SERINC2: variants seen among roughly 807,000 people sequenced by gnomAD.
The protein encoded by SERINC2 is serine incorporator 2.
Under a neutral mutation model 54.2 loss-of-function variants are expected in SERINC2, and 56 were observed. That is an observed-to-expected ratio of 1.03 (90% CI 0.83 to 1.29). SERINC2 has a LOEUF of 1.29. Among genes scored for constraint, SERINC2 ranks in the 50% most tolerant of loss-of-function variants. The pLI is 0.00. For synonymous variants in SERINC2, 272 were observed against 253.1 expected (o/e 1.07, Z -0.71); for missense variants, 614 against 607.4 (o/e 1.01, Z -0.12).
intron 7 of SERINC2, 102 bp downstream of exon 7, chr1:31,429,170 C>T: frequency 8.8e-7 from 1 of 1,134,504 alleles, no homozygotes; most frequent in South Asian, 1.3e-5. Context: ...GACATCCCTG[C>T]TCCAGCCCAT....
intron 8 of SERINC2, among the ~76,000 whole-genome samples, chr1:31,432,119 T>TTAGGGTGGA (rs1322746806): frequency 1.0e-4 from 1 of 9,726 alleles, no homozygotes. Flanking sequence ...GATAGGGTGG[T>TTAGGGTGGA]TAGGGTGGAT....
At chr1:31,433,607 C>T (rs949693842) in intron 9 of SERINC2, among the ~76,000 whole-genome samples, 5 of 152,098 alleles carry the variant, frequency 3.3e-5, no homozygotes. Context: ...CAAATTTGGT[C>T]ATTTGGTTAA....
intron 1 of SERINC2, among the ~76,000 whole-genome samples, chr1:31,416,342 C>T (rs1245550482): frequency 1.3e-5 from 2 of 152,178 alleles, no homozygotes; most frequent in Non-Finnish European, 2.9e-5. Flanking sequence ...AGCCTGGGCT[C>T]GGAGCCCCTG....
chr1:31,431,255 A>G (rs531619550), intron 8 of SERINC2, among the ~76,000 whole-genome samples: 142 of 151,616 alleles, frequency 9.4e-4, no homozygotes, highest in African/African-American at 3.4e-3. Flanking sequence ...CTCCTGAGTC[A>G]CTGAGACTAC....
At chr1:31,429,600 G>C (rs1553134188) in intron 8 of SERINC2, 62 bp downstream of exon 8, 2 of 1,502,838 alleles carry the variant, frequency 1.3e-6, no homozygotes. Context: ...CAGAGTGAGG[G>C]GAGGGTGTGG....
chr1:31,433,217 G>C (rs376154059), intron 9 of SERINC2, 32 bp downstream of exon 9: 16 of 1,567,650 alleles, frequency 1.0e-5, no homozygotes, highest in Non-Finnish European at 1.4e-5. Context: ...GACAGAGCCC[G>C]GAGGTGCAGG....
chr1:31,414,357 A>T, intron 1 of SERINC2: 1 of 1,240,686 alleles, frequency 8.1e-7, no homozygotes, highest in East Asian at 3.9e-5. Context: ...AGAGGCCCTG[A>T]GAGGGAGAAG....
chr1:31,433,166 A>G lies in SERINC2; in HGVS notation c.1213A>G (p.Thr405Ala), dbSNP rs1322893807. ...GCTGGCCTCACTGCACGTCATGATG[A>G]CGCTCACCAACTGGTACAAGTGCGT... ...LVLASLHVMM[T>A]LTNWYKPGET... The change falls in exon 9 of 10, where the codon ACG becomes GCG. Residue 405 changes from threonine (T) to alanine (A), a missense_variant. Physicochemically the swap from Thr to Ala is moderately conservative, Grantham distance 58. Transcript: ENST00000373709. The G allele has an allele frequency of 1.9e-6, 3 of 1,613,646 alleles. No individual in the cohort carries two copies. Among genetic ancestry groups the G allele is most frequent in the Non-Finnish European group, 2.5e-6 (3 of 1,179,968 alleles).
Position 31,413,410 on chromosome 1 carries a change from A to T in SERINC2, c.39+106A>T. On this transcript the variant is annotated intron_variant, in intron 1 of 9. Transcript: ENST00000373709. The surrounding 1 kb of genome is among the most constrained non-coding windows in gnomAD (Gnocchi z 5.0). Reference sequence around the variant, plus strand: ...GTAGTTTCTTCTTTTTCCTTCCTGCAAACTTGTCTTTCTGGGCCGGTGCCC... The same window carrying T: ...GTAGTTTCTTCTTTTTCCTTCCTGCTAACTTGTCTTTCTGGGCCGGTGCCC... 1 of 605,896 alleles carries T rather than the reference A, an allele frequency of 1.7e-6. No individual in the cohort carries two copies. Among genetic ancestry groups the T allele is most frequent in the Non-Finnish European group, 2.3e-6 (1 of 430,060 alleles). The allele number at this position is 605,896 out of a possible 1,614,324, so 37.5% of individuals were successfully genotyped here.
chr1:31,414,583 A>G (rs1446852823), intron 1 of SERINC2: 29 of 985,384 alleles, frequency 2.9e-5, no homozygotes, highest in Non-Finnish European at 3.3e-5. Context: ...CTCTCGCCTC[A>G]TTAGGCCTCC....
rs1050302966 is a variant in SERINC2, at chr1:31,434,303, C to T, written c.*104C>T. The T allele has an allele frequency of 2.9e-5, 36 of 1,250,896 alleles. No homozygotes were observed. The highest frequency in any genetic ancestry group is 5.1e-4 in the Middle Eastern group (2 of 3,896). The allele number at this position is 1,250,896 out of a possible 1,614,324, so 77.5% of individuals were successfully genotyped here. On this transcript the variant is annotated 3_prime_UTR_variant, in exon 10 of 10. Transcript: ENST00000373709. ...CCCACACCAATCAGCCAGGCTGAGC[C>T]CCCACCCCTGCCCCAGCTCCAGGAC...
At chr1:31,432,075 C>CAGGGTGGAT (rs1641276539) in intron 8 of SERINC2, among the ~76,000 whole-genome samples, 5 of 13,316 alleles carry the variant, frequency 3.8e-4, no homozygotes, top group South Asian at 3.2e-3. Context: ...ACAGGGTGGA[C>CAGGGTGGAT]AGGGTGGTTA....
At chr1:31,415,307 C>T (rs1557487972) in intron 1 of SERINC2, among the ~76,000 whole-genome samples, 1 of 152,178 alleles carries the variant, frequency 6.6e-6, no homozygotes, top group African/African-American at 2.4e-5. Flanking sequence ...AGGGACCCGG[C>T]CCTCCCTTCA....
rs782304223 is a variant in SERINC2 at position 31,432,950 on chromosome 1, T to C, written c.1014-17T>C. On this transcript the variant is annotated splice_polypyrimidine_tract_variant and intron_variant, in intron 8 of 9. Transcript: ENST00000373709. ...GCCAGAGCTATCTATTTGCCCACCT[T>C]CCTCCCTCCCCTGCAGTCTGCGCTC... The C allele has an allele frequency of 5.0e-6, 8 of 1,590,706 alleles. No individual in the cohort carries two copies. The South Asian group carries it at 6.7e-5, about 13-fold the overall frequency.
At chr1:31,425,983 G>A (rs782416764) in intron 5 of SERINC2, 70 bp downstream of exon 5, 4 of 1,516,770 alleles carry the variant, frequency 2.6e-6, no homozygotes, top group Non-Finnish European at 3.6e-6. Context: ...CTGAGAAATC[G>A]AGGGTCCTTG....
chr1:31,432,252 G>A (rs1254629387), intron 8 of SERINC2, among the ~76,000 whole-genome samples: 3 of 151,796 alleles, frequency 2.0e-5, no homozygotes, highest in Non-Finnish European at 4.4e-5. Context: ...CTCACAGCAA[G>A]GGGTGATTTC....
At chr1:31,431,735 T>G (rs2148527204) in intron 8 of SERINC2, among the ~76,000 whole-genome samples, 1 of 102,368 alleles carries the variant, frequency 9.8e-6, no homozygotes, top group African/African-American at 3.0e-5. Flanking sequence ...GAGATATCCA[T>G]ATGGTATTTG....
rs1641417073 is a variant in SERINC2 at position 31,434,470 on chromosome 1, A to G, written c.*271A>G. The G allele has an allele frequency of 4.2e-6, 2 of 473,856 alleles. No homozygotes were observed. The highest frequency in any genetic ancestry group is 7.5e-6 in the Non-Finnish European group (2 of 265,184). The allele number at this position is 473,856 out of a possible 1,614,324, so 29.4% of individuals were successfully genotyped here. A position where few individuals can be genotyped will look rare whatever the true frequency, so the allele number is the denominator to read the frequency against. On this transcript the variant is annotated 3_prime_UTR_variant, in exon 10 of 10. Coordinates refer to ENST00000373709, the MANE Select transcript of SERINC2 (RefSeq NM_178865.5). Reference sequence around the variant, plus strand: ...CTCCTCCCTGTTGCCCATACTCAGCATCTCGGATGAAAGGGCTCCCTTGTC... The same window carrying G: ...CTCCTCCCTGTTGCCCATACTCAGCGTCTCGGATGAAAGGGCTCCCTTGTC...
At position 31,425,783 on chromosome 1, in the gene SERINC2, C is replaced by G; in HGVS notation, c.480C>G (p.Phe160Leu). ...TCCCCTCTCCCCACCCAGTCTGGTT[C>G]TACTTCGGCGTCGTGGGCTCCTTCC... is the stretch of plus-strand genomic sequence containing the variant. ...IPDGSFTNIW[F>L]YFGVVGSFLF... Residue 160 changes from phenylalanine (F) to leucine (L), a missense_variant, in exon 5 of 10, where the codon TTC becomes TTG. Phe to Leu is a conservative substitution (Grantham distance 22). Transcript: ENST00000373709. 6.2e-7 allele frequency: 1 copy of G among 1,613,052 alleles called. No homozygotes were observed. Among genetic ancestry groups the G allele is most frequent in the Non-Finnish European group, 8.5e-7 (1 of 1,179,798 alleles).
Sources: allele counts gnomAD v4.1 joint callset (sites outside exome capture counted in the v4.1 genomes callset), GRCh38; gene constraint gnomAD v4.1.1; non-coding constraint Gnocchi (gnomAD v3.1); transcripts MANE v1.5; gene names NCBI Gene and HGNC (gene_info 2026-07-23, HGNC 2026-07-21).